FAT4: variants seen among roughly 807,000 people sequenced by gnomAD.
FAT4 encodes protocadherin Fat 4.
In FAT4, 84 loss-of-function variants were observed where a neutral mutation model predicts 303.9. That is an observed-to-expected ratio of 0.28 (90% CI 0.23 to 0.33). The LOEUF is 0.33. Among genes scored for constraint, FAT4 ranks in the 10% least tolerant of loss-of-function variants. The pLI, the probability that FAT4 is intolerant of heterozygous loss-of-function variation, is 1.00. For missense variants in FAT4, 6,005 were observed against 6,146.8 expected, an observed-to-expected ratio of 0.98 and a Z score of 0.77; for synonymous variants, 2,307 against 2,298.8, an observed-to-expected ratio of 1.00 and a Z score of -0.10.
chr4:125,331,221 T>C (rs966656366), intron 2 of FAT4, among the ~76,000 whole-genome samples: 6 of 152,168 alleles, frequency 3.9e-5, no homozygotes, highest in African/African-American at 1.4e-4. Context: ...TTCATCTGTT[T>C]CTGCTATATG....
Position 125,452,221 on chromosome 4 carries a change from C to T in FAT4, c.11211C>T (p.Arg3737=), listed in dbSNP as rs1726112461. 1 of 1,614,128 alleles carries T rather than the reference C, an allele frequency of 6.2e-7. No homozygotes were observed. The highest frequency in any genetic ancestry group is 8.5e-7 in the Non-Finnish European group (1 of 1,180,048). Residue 3737 remains arginine, a synonymous_variant, in exon 10 of 18, where the codon CGC becomes CGT. Coordinates refer to ENST00000394329, the MANE Select transcript of FAT4 (RefSeq NM_001291303.3). ...FLTNHYLHFL[R]IASSQLTGLG... ...CCAACCACTATCTTCATTTTTTACG[C>T]ATTGCCAGCTCACAGCTGACAGGCT...
At chr4:125,385,695 A>G (rs1181850829) in intron 2 of FAT4, among the ~76,000 whole-genome samples, 3 of 152,134 alleles carry the variant, frequency 2.0e-5, no homozygotes, top group Admixed American at 2.0e-4. Flanking sequence ...TTTATAATTG[A>G]TGGCTTTTTC....
At chr4:125,379,147 A>G (rs747307677) in intron 2 of FAT4, among the ~76,000 whole-genome samples, 2 of 152,184 alleles carry the variant, frequency 1.3e-5, no homozygotes, top group Non-Finnish European at 2.9e-5. Flanking sequence ...GTTTTGACAA[A>G]GAATTCACTT....
intron 2 of FAT4, among the ~76,000 whole-genome samples, chr4:125,359,236 G>T (rs1732552830): frequency 6.6e-6 from 1 of 152,090 alleles, no homozygotes; most frequent in African/African-American, 2.4e-5. Context: ...GTCATAGTCA[G>T]GTGGAGATAA....
At chr4:125,448,200 A>G (rs1250959884) in intron 9 of FAT4, among the ~76,000 whole-genome samples, 1 of 152,144 alleles carries the variant, frequency 6.6e-6, no homozygotes, top group Non-Finnish European at 1.5e-5. Context: ...GGCTTCTCTC[A>G]AAGGCATACT....
intron 8 of FAT4, 91 bp downstream of exon 8, chr4:125,434,516 C>A: frequency 1.8e-6 from 2 of 1,135,930 alleles, no homozygotes; most frequent in Non-Finnish European, 2.6e-6. Context: ...TTTAAATGAA[C>A]GTCATATTAA....
intron 12 of FAT4, among the ~76,000 whole-genome samples, chr4:125,475,093 C>G (rs1726982272): frequency 6.6e-6 from 1 of 152,042 alleles, no homozygotes; most frequent in South Asian, 2.1e-4. Context: ...TTGGGAGAAA[C>G]CTTTCAACCT....
intron 2 of FAT4, among the ~76,000 whole-genome samples, chr4:125,351,296 C>A (rs1317900353): frequency 6.6e-6 from 1 of 151,528 alleles, no homozygotes; most frequent in Non-Finnish European, 1.5e-5. Flanking sequence ...TGATACAGGC[C>A]ATCACTGATA....
rs1017972036 is a variant in FAT4 at position 125,452,057 on chromosome 4, C to A, written c.11047C>A (p.Leu3683Met). 6 of 1,614,038 alleles carry A rather than the reference C, an allele frequency of 3.7e-6. No individual in the cohort carries two copies. The African/African-American group carries it at 8.0e-5, about 22-fold the overall frequency. ...AAGGTCCACAGATGGCACGTTTGAT[C>A]TGACTGTCCTTAGCAATGATGGAGT... The part of the protein sequence containing the change: ...QPRSTDGTFD[L>M]TVLSNDGVHS... Residue 3683 changes from leucine (L) to methionine (M), a missense_variant, in exon 10 of 18, where the codon CTG becomes ATG. Transcript: ENST00000394329.
At chr4:125,447,414 A>G (rs779376107) in intron 9 of FAT4, among the ~76,000 whole-genome samples, 19 of 152,132 alleles carry the variant, frequency 1.2e-4, no homozygotes, top group South Asian at 8.3e-4. Flanking sequence ...TAGGATTCAT[A>G]AATTTATGTG....
chr4:125,477,441 C>A, intron 14 of FAT4, 107 bp downstream of exon 14: 2 of 1,004,780 alleles, frequency 2.0e-6, no homozygotes, highest in Non-Finnish European at 2.8e-6. Context: ...CTAAAAATAC[C>A]AAATGATTTA....
At chr4:125,457,694 G>A (rs900531556) in intron 10 of FAT4, among the ~76,000 whole-genome samples, 4 of 152,028 alleles carry the variant, frequency 2.6e-5, no homozygotes, top group East Asian at 3.9e-4. Context: ...GATGGATAAA[G>A]TTTATTATAG....
At position 125,320,485 on chromosome 4, in the gene FAT4, C is replaced by G; in HGVS notation, c.4074C>G (p.Asn1358Lys). Reference protein sequence around the residue: ...ADLYYSITGTNNHGTFSISPN... With the variant: ...ADLYYSITGTKNHGTFSISPN... Reference sequence around the variant, plus strand: ...TATATTACAGTATTACTGGGACTAACAACCACGGAACTTTTAGCATTAGCC... The same window carrying G: ...TATATTACAGTATTACTGGGACTAAGAACCACGGAACTTTTAGCATTAGCC... The change falls in exon 2 of 18, where the codon AAC becomes AAG. Residue 1358 changes from asparagine (N) to lysine (K), a missense_variant. By Grantham distance (94) the Asn-to-Lys change is moderately conservative. Coordinates refer to ENST00000394329, the MANE Select transcript of FAT4 (RefSeq NM_001291303.3). 1 of 1,614,096 alleles carries G rather than the reference C, an allele frequency of 6.2e-7. No individual in the cohort carries two copies. Among genetic ancestry groups the G allele is most frequent in the Middle Eastern group, 1.6e-4 (1 of 6,062 alleles).
intron 17 of FAT4, 119 bp downstream of exon 17, chr4:125,487,725 A>G (rs933379305): frequency 1.1e-6 from 1 of 948,504 alleles, no homozygotes; most frequent in Non-Finnish European, 1.4e-6. Context: ...GAACAATTTC[A>G]TTCAATAAAA....
intron 3 of FAT4, among the ~76,000 whole-genome samples, chr4:125,403,263 G>A (rs759709629): frequency 1.3e-5 from 2 of 152,054 alleles, no homozygotes; most frequent in Non-Finnish European, 2.9e-5. Context: ...GGAAACATGG[G>A]CTTGGAGAGG....
intron 10 of FAT4, among the ~76,000 whole-genome samples, chr4:125,455,227 T>C (rs1450678596): frequency 1.3e-5 from 2 of 152,212 alleles, no homozygotes; most frequent in African/African-American, 2.4e-5. Context: ...AAAGTGCAAA[T>C]GTATTAGGTA....
At chr4:125,414,283 T>A (rs978926704) in intron 5 of FAT4, among the ~76,000 whole-genome samples, 16 of 152,082 alleles carry the variant, frequency 1.1e-4, no homozygotes, top group African/African-American at 3.6e-4. Flanking sequence ...AATAATAGCA[T>A]GAGCATTTAT....
At position 125,415,634 on chromosome 4, in the gene FAT4, C is replaced by G. The variant is rs1204474111; in HGVS notation, c.6671C>G (p.Thr2224Ser). 6.2e-7 allele frequency: 1 copy of G among 1,614,082 alleles called. No homozygotes were observed. Among genetic ancestry groups the G allele is most frequent in the Non-Finnish European group, 8.5e-7 (1 of 1,179,984 alleles). Residue 2224 changes from threonine (T) to serine (S), a missense_variant, in exon 6 of 18, where the codon ACC becomes AGC. Physicochemically the swap from Thr to Ser is moderately conservative, Grantham distance 58. Coordinates refer to ENST00000394329, the MANE Select transcript of FAT4 (RefSeq NM_001291303.3). ...CCTTTGGATAGAGAAAAGACCCCTA[C>G]CTACCATTTAACTGTTCAGGCAACA... is the stretch of plus-strand genomic sequence containing the variant. Reference protein sequence around the residue: ...AKPLDREKTPTYHLTVQATDR... With the variant: ...AKPLDREKTPSYHLTVQATDR...
chr4:125,371,348 T>C (rs1733106443), intron 2 of FAT4, among the ~76,000 whole-genome samples: 1 of 151,916 alleles, frequency 6.6e-6, no homozygotes, highest in South Asian at 2.1e-4. Context: ...AATAATATTA[T>C]ACTGTGTATG....
Sources: allele counts gnomAD v4.1 joint callset (sites outside exome capture counted in the v4.1 genomes callset), GRCh38; gene constraint gnomAD v4.1.1; transcripts MANE v1.5; gene names NCBI Gene and HGNC (gene_info 2026-07-23, HGNC 2026-07-21).